MACROD2: variants seen among roughly 807,000 people sequenced by gnomAD.
The protein encoded by MACROD2 is ADP-ribose glycohydrolase MACROD2.
Under a neutral mutation model 70.4 loss-of-function variants are expected in MACROD2, and 36 were observed. The observed-to-expected ratio is 0.51, with a 90% CI of 0.39 to 0.68. MACROD2 has a LOEUF of 0.68. MACROD2 is among the 30% of genes least tolerant of loss of function. MACROD2 has a pLI of 0.00. For missense variants in MACROD2, 496 were observed against 538.4 expected, an observed-to-expected ratio of 0.92 and a Z score of 0.78; for synonymous variants, 172 against 178.8, an observed-to-expected ratio of 0.96 and a Z score of 0.30.
At chr20:15,551,435 C>T (rs540186655) in intron 8 of MACROD2, among the ~76,000 whole-genome samples, 1 of 151,076 alleles carries the variant, frequency 6.6e-6, no homozygotes, top group African/African-American at 2.4e-5. Flanking sequence ...ATTATTTTAC[C>T]ATAACTTTAG....
intron 3 of MACROD2, among the ~76,000 whole-genome samples, chr20:14,219,471 C>T (rs1037329113): frequency 4.6e-5 from 7 of 152,142 alleles, no homozygotes; most frequent in East Asian, 1.9e-4. Flanking sequence ...CATTGGGCTT[C>T]GCCTTTCTTT....
intron 3 of MACROD2, among the ~76,000 whole-genome samples, chr20:14,412,365 C>T (rs1194458762): frequency 2.0e-5 from 3 of 152,148 alleles, no homozygotes; most frequent in Admixed American, 1.3e-4. Flanking sequence ...TAATGGAAGC[C>T]GCTCTTCATA....
Position 14,363,816 on chromosome 20 carries a change from CAAAAAAAAAAAAA to C in MACROD2, c.272-129642_272-129630del, listed in dbSNP as rs569929488. On this transcript the variant is annotated intron_variant, in intron 3 of 17. Transcript: ENST00000684519. ...TGGGCGACAGAGCCAGACTCTGTCTCAAAAAAAAAAAAAAAAAAAAAAAAAAAAAAAAATAAGA... is the reference window on the plus strand; with the variant it reads ...TGGGCGACAGAGCCAGACTCTGTCTCAAAAAAAAAAAAAAAAAAAATAAGA... Among the ~76,000 whole-genome samples the C allele has an allele frequency of 8.4e-5, 6 of 71,558 alleles. No individual in the cohort carries two copies. In the East Asian group the frequency reaches 1.9e-3, roughly 22 times the overall value. 46.9% of individuals were successfully genotyped at this position (71,558 alleles called of 152,430 possible). A position where few individuals can be genotyped will look rare whatever the true frequency, so the allele number is the denominator to read the frequency against.
intron 8 of MACROD2, among the ~76,000 whole-genome samples, chr20:15,596,630 C>T (rs139165385): frequency 1.3e-5 from 2 of 152,292 alleles, no homozygotes; most frequent in Middle Eastern, 3.4e-3. Flanking sequence ...TCTCTTAGCC[C>T]TTCAGGCCCT....
chr20:15,925,933 T>C (rs944995492), intron 10 of MACROD2, among the ~76,000 whole-genome samples: 27 of 152,336 alleles, frequency 1.8e-4, no homozygotes, highest in Admixed American at 5.2e-4. Context: ...TAATGGGGCA[T>C]GGATGCAGCA....
intron 15 of MACROD2, among the ~76,000 whole-genome samples, chr20:16,004,898 A>G (rs2066767198): frequency 6.6e-6 from 1 of 152,206 alleles, no homozygotes; most frequent in Non-Finnish European, 1.5e-5. Flanking sequence ...GCCAAGTGTG[A>G]ACTTAAACAG....
intron 3 of MACROD2, among the ~76,000 whole-genome samples, chr20:14,249,535 G>T (rs1042884715): frequency 2.0e-5 from 3 of 151,976 alleles, no homozygotes; most frequent in African/African-American, 7.2e-5. Flanking sequence ...ACCACAGGGG[G>T]TCACAGAGCT....
At chr20:14,207,921 C>A (rs886655783) in intron 3 of MACROD2, among the ~76,000 whole-genome samples, 1 of 152,114 alleles carries the variant, frequency 6.6e-6, no homozygotes, top group Non-Finnish European at 1.5e-5. Flanking sequence ...CAAATGCCAG[C>A]CAAGGTAGAA....
intron 5 of MACROD2, among the ~76,000 whole-genome samples, chr20:14,884,922 G>A (rs138710037): frequency 4.0e-4 from 61 of 152,142 alleles, no homozygotes; most frequent in Non-Finnish European, 7.4e-4. Context: ...CCATCTAATT[G>A]CCAGTCAGAA....
At chr20:15,070,149 G>A (rs2075607756) in intron 5 of MACROD2, among the ~76,000 whole-genome samples, 1 of 152,188 alleles carries the variant, frequency 6.6e-6, no homozygotes, top group South Asian at 2.1e-4. Context: ...TTATGCTGGA[G>A]CTGTAAGATT....
chr20:15,443,272 G>A (rs1239081567), intron 7 of MACROD2, among the ~76,000 whole-genome samples: 1 of 151,682 alleles, frequency 6.6e-6, no homozygotes, highest in Non-Finnish European at 1.5e-5. Context: ...TGAGTTTAGG[G>A]CAGAGTCTGA....
At position 15,714,714 on chromosome 20, in the gene MACROD2, T is replaced by G. The variant is rs114313846; in HGVS notation, c.646-148031T>G. 6.7e-3 allele frequency among the ~76,000 whole-genome samples: 1,021 copies of G among 152,236 alleles called. 6 individuals carry two copies. The highest frequency in any genetic ancestry group is 0.022 in the African/African-American group (928 of 41,528). On this transcript the variant is annotated intron_variant, in intron 8 of 17. Transcript: ENST00000684519. Reference sequence around the variant, plus strand: ...CTTGTGCCATATACTTTTTAAAAATTTTTACTAATAAATATGTGTCATATA... The same window carrying G: ...CTTGTGCCATATACTTTTTAAAAATGTTTACTAATAAATATGTGTCATATA...
chr20:14,448,300 C>A, intron 3 of MACROD2, among the ~76,000 whole-genome samples: 1 of 151,942 alleles, frequency 6.6e-6, no homozygotes, highest in East Asian at 1.9e-4. Flanking sequence ...TTTTTATTAC[C>A]TATGAATGTC....
rs552556796 is a variant in MACROD2 at position 15,804,073 on chromosome 20, A to T, written c.646-58672A>T. On this transcript the variant is annotated intron_variant, in intron 8 of 17. Transcript: ENST00000684519. ...TTAATGTGCTAACCCAGTCTAATGA[A>T]TTGAGTATTTCCCCAACTCAGTGCT... is the stretch of plus-strand genomic sequence containing the variant. 4.6e-5 allele frequency among the ~76,000 whole-genome samples: 7 copies of T among 152,340 alleles called. No individual in the cohort carries two copies. In the East Asian group the frequency reaches 1.3e-3, roughly 29 times the overall value.
chr20:14,431,224 C>T (rs1308098333), intron 3 of MACROD2, among the ~76,000 whole-genome samples: 1 of 151,756 alleles, frequency 6.6e-6, no homozygotes, highest in African/African-American at 2.4e-5. Context: ...ATTATATTTC[C>T]AGGTCCTTAT....
chr20:14,675,687 C>A (rs1177939552), intron 4 of MACROD2, among the ~76,000 whole-genome samples: 1 of 152,130 alleles, frequency 6.6e-6, no homozygotes, highest in Non-Finnish European at 1.5e-5. Context: ...ATGACAGGAT[C>A]AAATTCACAC....
intron 6 of MACROD2, among the ~76,000 whole-genome samples, chr20:15,402,138 T>A (rs754695651): frequency 2.0e-5 from 3 of 152,092 alleles, no homozygotes; most frequent in Non-Finnish European, 4.4e-5. Flanking sequence ...GCAGCAGTAG[T>A]CTAAGCCACA....
At chr20:15,371,356 G>A (rs6079790) in intron 6 of MACROD2, among the ~76,000 whole-genome samples, 140,169 of 152,194 alleles carry the variant, frequency 0.92, 64,601 homozygotes, top group Middle Eastern at 0.98. Flanking sequence ...TGGGAAGCCA[G>A]TTTACCCAGA....
intron 5 of MACROD2, among the ~76,000 whole-genome samples, chr20:14,862,646 T>TATATAAATATATATATAA (rs1555840106): frequency 1.5e-3 from 7 of 4,784 alleles, no homozygotes; most frequent in South Asian, 6.3e-3. Context: ...TATATAAATA[T>TATATAAATATATATATAA]ATATATATAA....
Sources: allele counts gnomAD v4.1 joint callset (sites outside exome capture counted in the v4.1 genomes callset), GRCh38; gene constraint gnomAD v4.1.1; transcripts MANE v1.5; gene names NCBI Gene and HGNC (gene_info 2026-07-23, HGNC 2026-07-21).